Variants in HS6ST3 observed in about 807,000 individuals in gnomAD.
HS6ST3 encodes the protein heparan-sulfate 6-O-sulfotransferase 3.
A neutral mutation model predicts 36.7 loss-of-function variants in HS6ST3; 12 were observed. That is an observed-to-expected ratio of 0.33 (90% CI 0.21 to 0.53). The LOEUF is 0.53. HS6ST3 is among the 20% of genes least tolerant of loss of function. The pLI, the probability that HS6ST3 is intolerant of heterozygous loss-of-function variation, is 0.95. For synonymous variants in HS6ST3, 240 were observed against 257.5 expected, an observed-to-expected ratio of 0.93 and a Z score of 0.65; for missense variants, 584 against 640.9, an observed-to-expected ratio of 0.91 and a Z score of 0.96.
chr13:96,173,825 TTGTG>T (rs67524085), intron 1 of HS6ST3, among the ~76,000 whole-genome samples: 142,840 of 150,908 alleles, frequency 0.95, 67,693 homozygotes, highest in African/African-American at 0.97. Context: ...TAATTTCTCT[TTGTG>T]TGTGTGTGTG....
rs144908094 is a variant in HS6ST3, at chr13:96,399,466, C to T, written c.707+307897C>T. 3.7e-4 allele frequency among the ~76,000 whole-genome samples: 56 copies of T among 152,350 alleles called. 1 individual carries two copies. The highest frequency in any genetic ancestry group is 1.3e-3 in the African/African-American group (52 of 41,584). On this transcript the variant is annotated intron_variant, in intron 1 of 1. Transcript: ENST00000376705. The stretch of plus-strand genomic sequence containing the variant: ...ACCTCTTTATACAACATTGCATAGC[C>T]TCTATGCATTTTGGAATCTTTACTG...
At chr13:96,343,603 T>C (rs931466382) in intron 1 of HS6ST3, among the ~76,000 whole-genome samples, 6 of 152,224 alleles carry the variant, frequency 3.9e-5, no homozygotes, top group Admixed American at 3.3e-4. Flanking sequence ...GAATGTGACA[T>C]TGACATATTT....
chr13:96,317,369 A>ATCATGG, intron 1 of HS6ST3, among the ~76,000 whole-genome samples: 1 of 17,036 alleles, frequency 5.9e-5, no homozygotes, highest in Non-Finnish European at 1.1e-4. Flanking sequence ...TATATATATA[A>ATCATGG]AATTATATAT....
Position 96,624,292 on chromosome 13 carries a change from G to T in HS6ST3, c.708-208198G>T, listed in dbSNP as rs1040680005. Among the ~76,000 whole-genome samples the T allele has an allele frequency of 1.3e-5, 2 of 151,976 alleles. 1 individual carries two copies. Among genetic ancestry groups the T allele is most frequent in the South Asian group, 4.2e-4 (2 of 4,818 alleles). ...CACAGAATTTTTACTTCCTTCAAAG[G>T]TAACACTTCTGATTTTTGTATGATT... On this transcript the variant is annotated intron_variant, in intron 1 of 1. Transcript: ENST00000376705.
intron 1 of HS6ST3, among the ~76,000 whole-genome samples, chr13:96,227,809 G>C (rs2054488226): frequency 6.6e-6 from 1 of 152,188 alleles, no homozygotes; most frequent in South Asian, 2.1e-4. Flanking sequence ...GCTTCTTCAT[G>C]ATTGTTGGTG....
At position 96,646,891 on chromosome 13, in the gene HS6ST3, A is replaced by G. The variant is rs1237221786; in HGVS notation, c.708-185599A>G. On this transcript the variant is annotated intron_variant, in intron 1 of 1. Coordinates refer to ENST00000376705, the MANE Select transcript of HS6ST3 (RefSeq NM_153456.4). The stretch of plus-strand genomic sequence containing the variant: ...CTTTTTCAAGTCACAATTTCAATGT[A>G]CTGGGAACAGAGAACTCCTTAGATT... 2.0e-5 allele frequency among the ~76,000 whole-genome samples: 3 copies of G among 151,998 alleles called. No individual in the cohort carries two copies. The East Asian group carries it at 5.8e-4, about 29-fold the overall frequency.
chr13:96,418,564 T>G (rs2055546228), intron 1 of HS6ST3, among the ~76,000 whole-genome samples: 1 of 152,146 alleles, frequency 6.6e-6, no homozygotes, highest in African/African-American at 2.4e-5. Context: ...AGCTCAGCAA[T>G]CTGACCTCCT....
intron 1 of HS6ST3, among the ~76,000 whole-genome samples, chr13:96,256,864 TGAAA>T (rs2054639895): frequency 1.3e-5 from 2 of 152,108 alleles, no homozygotes; most frequent in African/African-American, 4.8e-5. Context: ...ATTTTGAGAG[TGAAA>T]GAGTGTGCTA....
chr13:96,835,055 C>T lies in HS6ST3; in HGVS notation c.*1857C>T, dbSNP rs1878892476. 6.6e-6 allele frequency: 1 copy of T among 152,230 alleles called. No individual in the cohort carries two copies. The highest frequency in any genetic ancestry group is 2.4e-5 in the African/African-American group (1 of 41,436). 9.4% of individuals were successfully genotyped at this position (152,230 alleles called of 1,614,324 possible). ...AGTGAAGCCCACAGAAAATAAGTAG[C>T]TCCTCCACAGGTTGTAAGCTAGGTC... On this transcript the variant is annotated 3_prime_UTR_variant, in exon 2 of 2. Coordinates refer to ENST00000376705, the MANE Select transcript of HS6ST3 (RefSeq NM_153456.4).
chr13:96,723,700 C>T (rs1191026691), intron 1 of HS6ST3, among the ~76,000 whole-genome samples: 2 of 152,228 alleles, frequency 1.3e-5, no homozygotes, highest in Non-Finnish European at 2.9e-5. Flanking sequence ...ACCTCCCAGT[C>T]CTCTCCCCTG....
chr13:96,405,700 G>A lies in HS6ST3; in HGVS notation c.707+314131G>A, dbSNP rs188002136. Among the ~76,000 whole-genome samples, 16 of 152,296 alleles carry A rather than the reference G, an allele frequency of 1.1e-4. No homozygotes were observed. The East Asian group carries it at 2.9e-3, about 28-fold the overall frequency. On this transcript the variant is annotated intron_variant, in intron 1 of 1. Coordinates refer to ENST00000376705, the MANE Select transcript of HS6ST3 (RefSeq NM_153456.4). ...CAAAAAGATTACCTATAGCATAGCA[G>A]AGCAAGAATCTTTGGAATGATTGTT...
intron 1 of HS6ST3, among the ~76,000 whole-genome samples, chr13:96,740,110 T>C (rs1876399375): frequency 6.6e-6 from 1 of 152,144 alleles, no homozygotes; most frequent in Admixed American, 6.5e-5. Flanking sequence ...GTAACAATCA[T>C]CTCCTAATAG....
At chr13:96,827,393 A>G (rs1878671373) in intron 1 of HS6ST3, among the ~76,000 whole-genome samples, 1 of 152,218 alleles carries the variant, frequency 6.6e-6, no homozygotes, top group South Asian at 2.1e-4. Flanking sequence ...TGCATATGAG[A>G]TGGAATTAAA....
intron 1 of HS6ST3, among the ~76,000 whole-genome samples, chr13:96,379,399 C>T (rs555657618): frequency 3.9e-5 from 6 of 152,224 alleles, no homozygotes; most frequent in East Asian, 1.9e-4. Context: ...TGCCCTCCTG[C>T]GAGGACACAG....
chr13:96,458,646 A>G (rs1298932180), intron 1 of HS6ST3, among the ~76,000 whole-genome samples: 1 of 152,146 alleles, frequency 6.6e-6, no homozygotes, highest in East Asian at 1.9e-4. Flanking sequence ...GACAAAAAAA[A>G]AAAAAAAGAA....
chr13:96,599,423 G>A (rs187505733), intron 1 of HS6ST3, among the ~76,000 whole-genome samples: 8 of 152,038 alleles, frequency 5.3e-5, no homozygotes, highest in Non-Finnish European at 7.4e-5. Flanking sequence ...TAGTGTGCAC[G>A]TATATGAGTT....
At chr13:96,821,922 C>G (rs1003258396) in intron 1 of HS6ST3, among the ~76,000 whole-genome samples, 1 of 152,204 alleles carries the variant, frequency 6.6e-6, no homozygotes, top group Admixed American at 6.5e-5. Flanking sequence ...AATATAGATT[C>G]TAAATATTGG....
At chr13:96,780,232 C>G (rs1877492582) in intron 1 of HS6ST3, among the ~76,000 whole-genome samples, 1 of 152,094 alleles carries the variant, frequency 6.6e-6, no homozygotes, top group Admixed American at 6.6e-5. Context: ...ACTGATGGCA[C>G]CTATAGAAAG....
intron 1 of HS6ST3, among the ~76,000 whole-genome samples, chr13:96,194,455 A>T (rs2054302808): frequency 6.6e-6 from 1 of 152,072 alleles, no homozygotes; most frequent in Admixed American, 6.6e-5. Flanking sequence ...TAATTAAAAA[A>T]ATTATTTTCT....
Sources: allele counts gnomAD v4.1 joint callset (sites outside exome capture counted in the v4.1 genomes callset), GRCh38; gene constraint gnomAD v4.1.1; transcripts MANE v1.5; gene names NCBI Gene and HGNC (gene_info 2026-07-23, HGNC 2026-07-21).